TENM4: variants seen among roughly 807,000 people sequenced by gnomAD.
The protein encoded by TENM4 is teneurin-4.
TENM4 carries 82 observed loss-of-function variants against 243.3 expected under a neutral mutation model. The observed-to-expected ratio is 0.34, with a 90% CI of 0.28 to 0.40. The LOEUF (loss-of-function observed/expected upper bound fraction) is 0.40, where lower values mean the gene tolerates loss of function less well. TENM4 is among the 10% of genes least tolerant of loss of function. TENM4 has a pLI of 1.00. For missense variants in TENM4, 3,138 were observed against 3,673.3 expected, an observed-to-expected ratio of 0.85 and a Z score of 3.77; for synonymous variants, 1,412 against 1,456.3, an observed-to-expected ratio of 0.97 and a Z score of 0.69.
intron 6 of TENM4, among the ~76,000 whole-genome samples, chr11:79,022,637 G>T (rs1431693370): frequency 6.6e-6 from 1 of 152,150 alleles, no homozygotes; most frequent in Non-Finnish European, 1.5e-5. Flanking sequence ...GTTTTTAAAA[G>T]ACACACACGA....
intron 2 of TENM4, among the ~76,000 whole-genome samples, chr11:79,273,002 G>C (rs982287859): frequency 6.6e-6 from 1 of 152,180 alleles, no homozygotes; most frequent in Admixed American, 6.5e-5. Context: ...ATGGTCCTAA[G>C]AAGCAAAGAG....
chr11:79,334,439 C>T (rs1857114681), intron 1 of TENM4, among the ~76,000 whole-genome samples: 1 of 152,184 alleles, frequency 6.6e-6, no homozygotes, highest in Non-Finnish European at 1.5e-5. Flanking sequence ...GCAGGCTCCC[C>T]TCCCTGACCC....
chr11:79,337,771 A>G (rs1857171178), intron 1 of TENM4, among the ~76,000 whole-genome samples: 1 of 152,144 alleles, frequency 6.6e-6, no homozygotes, highest in East Asian at 1.9e-4. Flanking sequence ...GATCTCTGAG[A>G]CCTTATCACA....
chr11:79,344,610 A>T (rs1450137441), intron 1 of TENM4, among the ~76,000 whole-genome samples: 1 of 152,336 alleles, frequency 6.6e-6, no homozygotes, highest in East Asian at 1.9e-4. Context: ...AACATGCAAG[A>T]GTGCAGACCA....
intron 1 of TENM4, among the ~76,000 whole-genome samples, chr11:79,357,705 A>T (rs1448415704): frequency 6.6e-6 from 1 of 152,236 alleles, no homozygotes; most frequent in Non-Finnish European, 1.5e-5. Flanking sequence ...CTTTTCAAAA[A>T]CAACCACCAT....
chr11:78,739,733 G>C (rs1166729802), intron 19 of TENM4, among the ~76,000 whole-genome samples: 2 of 152,162 alleles, frequency 1.3e-5, no homozygotes, highest in African/African-American at 2.4e-5. Flanking sequence ...CGGGATGGAG[G>C]CCTCCTCTCC....
chr11:79,232,660 CA>C (rs1212903461), intron 2 of TENM4, among the ~76,000 whole-genome samples: 1 of 152,232 alleles, frequency 6.6e-6, no homozygotes, highest in Non-Finnish European at 1.5e-5. Context: ...ATATTCAAGA[CA>C]CATTGTGTCC....
intron 12 of TENM4, among the ~76,000 whole-genome samples, chr11:78,834,302 T>C (rs1257302253): frequency 6.6e-6 from 1 of 152,228 alleles, no homozygotes; most frequent in African/African-American, 2.4e-5. Flanking sequence ...TGACAGGCTA[T>C]AGTCTTTTTC....
chr11:78,734,895 A>G (rs1855752037), intron 20 of TENM4, among the ~76,000 whole-genome samples: 1 of 152,244 alleles, frequency 6.6e-6, no homozygotes. Context: ...CTGAACTGAC[A>G]TCTACTAAAC....
chr11:79,437,999 C>G (rs1859313940), intron 1 of TENM4, among the ~76,000 whole-genome samples: 1 of 152,154 alleles, frequency 6.6e-6, no homozygotes, highest in South Asian at 2.1e-4. Context: ...ATCCGAAGGG[C>G]CCCACAGGTC....
At chr11:78,817,020 T>G (rs1029194486) in intron 12 of TENM4, among the ~76,000 whole-genome samples, 1 of 152,196 alleles carries the variant, frequency 6.6e-6, no homozygotes, top group African/African-American at 2.4e-5. Flanking sequence ...AACTGCTTCC[T>G]GTTCTAAAAT....
At chr11:78,918,760 A>T (rs901374734) in intron 6 of TENM4, among the ~76,000 whole-genome samples, 1 of 152,160 alleles carries the variant, frequency 6.6e-6, no homozygotes, top group Non-Finnish European at 1.5e-5. Flanking sequence ...CCTGAATGTC[A>T]TTCTGTATTT....
chr11:78,698,399 G>A (rs1159892439), intron 28 of TENM4, among the ~76,000 whole-genome samples: 2 of 131,204 alleles, frequency 1.5e-5, no homozygotes, highest in African/African-American at 6.2e-5. Context: ...AAACCAAACC[G>A]AACCAAACCA....
chr11:79,048,125 C>T (rs564125371), intron 6 of TENM4, among the ~76,000 whole-genome samples: 31 of 152,232 alleles, frequency 2.0e-4, no homozygotes, highest in African/African-American at 7.0e-4. Context: ...CAGGAGCTGG[C>T]CTGGCACTCA....
chr11:79,198,461 G>C (rs577423390), intron 3 of TENM4, among the ~76,000 whole-genome samples: 3 of 152,302 alleles, frequency 2.0e-5, no homozygotes, highest in African/African-American at 7.2e-5. Context: ...GGGGAGCTCT[G>C]CCTGATTCCT....
chr11:79,214,507 G>C (rs769625206), intron 3 of TENM4, among the ~76,000 whole-genome samples: 29 of 152,220 alleles, frequency 1.9e-4, no homozygotes, highest in Non-Finnish European at 4.0e-4. Context: ...TGATTAATCA[G>C]AAGTTATGTA....
intron 1 of TENM4, among the ~76,000 whole-genome samples, chr11:79,355,538 A>G (rs1857482162): frequency 1.0e-5 from 1 of 100,320 alleles, no homozygotes; most frequent in Non-Finnish European, 2.2e-5. Flanking sequence ...ATCTCCAAAC[A>G]AACAAACAAA....
At chr11:78,986,899 A>T (rs971211569) in intron 6 of TENM4, among the ~76,000 whole-genome samples, 1 of 152,174 alleles carries the variant, frequency 6.6e-6, no homozygotes, top group Admixed American at 6.5e-5. Flanking sequence ...CATCGTAAGC[A>T]AATCACTTAA....
chr11:78,804,526 C>G (rs1857349437), intron 15 of TENM4, among the ~76,000 whole-genome samples: 2 of 152,166 alleles, frequency 1.3e-5, no homozygotes, highest in South Asian at 2.1e-4. Flanking sequence ...CTAGGTGACT[C>G]ACGTATGTTC....
Sources: allele counts gnomAD v4.1 joint callset (sites outside exome capture counted in the v4.1 genomes callset), GRCh38; gene constraint gnomAD v4.1.1; transcripts MANE v1.5; gene names NCBI Gene and HGNC (gene_info 2026-07-23, HGNC 2026-07-21).